LRRC8B: variants seen among roughly 807,000 people sequenced by gnomAD.
LRRC8B encodes volume-regulated anion channel subunit LRRC8B.
In LRRC8B, 23 loss-of-function variants were observed where a neutral mutation model predicts 58.8. The observed-to-expected ratio is 0.39, with a 90% confidence interval of 0.28 to 0.55. LRRC8B has a LOEUF of 0.55. Among genes scored for constraint, LRRC8B ranks in the 20% least tolerant of loss-of-function variants. The pLI is 0.62. For synonymous variants in LRRC8B, 359 were observed against 374.1 expected (o/e 0.96, Z 0.47); for missense variants, 694 against 936.0 (o/e 0.74, Z 3.37).
At chr1:89,551,336 G>A (rs17130827) in intron 1 of LRRC8B, among the ~76,000 whole-genome samples, 21,650 of 152,092 alleles carry the variant, frequency 0.14, 2,022 homozygotes, top group East Asian at 0.42. Flanking sequence ...GTCATCAGCA[G>A]CTAATTTTTT....
intron 1 of LRRC8B, among the ~76,000 whole-genome samples, chr1:89,560,291 C>T (rs186132448): frequency 6.6e-6 from 1 of 152,254 alleles, no homozygotes; most frequent in East Asian, 1.9e-4. Flanking sequence ...CTACATTCCC[C>T]TCATCCACCA....
At chr1:89,556,937 T>C (rs1431494676) in intron 1 of LRRC8B, among the ~76,000 whole-genome samples, 2 of 152,240 alleles carry the variant, frequency 1.3e-5, no homozygotes, top group East Asian at 3.8e-4. Flanking sequence ...CAGTGTTGGC[T>C]GACTGGAATC....
At chr1:89,550,539 A>G (rs754874286) in intron 1 of LRRC8B, among the ~76,000 whole-genome samples, 3 of 152,192 alleles carry the variant, frequency 2.0e-5, no homozygotes, top group Non-Finnish European at 4.4e-5. Context: ...GTCAAACCTT[A>G]GCTATGCCAA....
chr1:89,564,523 A>G (rs1471858170), intron 1 of LRRC8B, among the ~76,000 whole-genome samples: 1 of 152,176 alleles, frequency 6.6e-6, no homozygotes, highest in Non-Finnish European at 1.5e-5. Flanking sequence ...TCTGAACCTC[A>G]ACTTTTTCAC....
At position 89,587,997 on chromosome 1, in the gene LRRC8B, T is replaced by A. The variant is rs180722465; in HGVS notation, c.2139+3208T>A. The A allele has an allele frequency of 2.6e-5, 4 of 152,342 alleles. No homozygotes were observed. In the East Asian group the frequency reaches 7.7e-4, roughly 29 times the overall value. The allele number at this position is 152,342 out of a possible 1,614,324, so 9.4% of individuals were successfully genotyped here. ...GAATAGATTCTTCATGGCTTCCACTTCTTTGTAATGTTAGCCCCGGTTCAA... is the reference window on the plus strand; with the variant it reads ...GAATAGATTCTTCATGGCTTCCACTACTTTGTAATGTTAGCCCCGGTTCAA... On this transcript the variant is annotated intron_variant, in intron 5 of 5. Transcript: ENST00000330947.
chr1:89,555,739 G>A (rs1652140833), intron 1 of LRRC8B, among the ~76,000 whole-genome samples: 1 of 152,218 alleles, frequency 6.6e-6, no homozygotes, highest in Non-Finnish European at 1.5e-5. Flanking sequence ...CGACTGCCTT[G>A]TTTTGGCCTT....
chr1:89,546,747 C>G (rs931089690), intron 1 of LRRC8B, among the ~76,000 whole-genome samples: 2 of 152,176 alleles, frequency 1.3e-5, no homozygotes, highest in African/African-American at 4.8e-5. Flanking sequence ...AGAAAGGAGC[C>G]CTCAGTGTAG....
In LRRC8B at chr1:89,584,542, A is replaced by G. The variant is rs1032086028; in HGVS notation, c.1892A>G (p.His631Arg). The G allele has an allele frequency of 5.6e-6, 9 of 1,614,118 alleles. No homozygotes were observed. The African/African-American group carries it at 6.7e-5, about 12-fold the overall frequency. Residue 631 changes from histidine to arginine, a missense_variant, in exon 5 of 6, where the codon CAT becomes CGT. His to Arg is a conservative substitution (Grantham distance 29, BLOSUM62 0). Around this residue, in one of 5 missense-constraint regions of LRRC8B, gnomAD observed 53 missense variants for 112.3 expected, o/e 0.47. Transcript: ENST00000330947. ...GTGGAAGAGATCATTAGCTTTCAGC[A>G]TCTTCAGAATCTTTCCTGCTTAAAG... The part of the protein sequence containing the change: ...KTVEEIISFQ[H>R]LQNLSCLKLW...
At chr1:89,528,246 A>G (rs550081472) in intron 1 of LRRC8B, among the ~76,000 whole-genome samples, 77 of 152,136 alleles carry the variant, frequency 5.1e-4, no homozygotes, top group Non-Finnish European at 1.5e-5. Context: ...CACAGCTTCT[A>G]TTTCTCTTCC....
chr1:89,542,766 A>C lies in LRRC8B; in HGVS notation c.-241+17744A>C, dbSNP rs555291778. Among the ~76,000 whole-genome samples the C allele has an allele frequency of 2.6e-5, 4 of 152,344 alleles. No individual in the cohort carries two copies. The East Asian group carries it at 7.7e-4, about 29-fold the overall frequency. On this transcript the variant is annotated intron_variant, in intron 1 of 5. Coordinates refer to ENST00000330947, the MANE Select transcript of LRRC8B (RefSeq NM_001369817.2). ...ATATAAGCACTTATAAAAATACTTA[A>C]CATAAAGTTATCTCATCATGAGTAT...
intron 3 of LRRC8B, among the ~76,000 whole-genome samples, chr1:89,573,712 T>A (rs1653633640): frequency 6.6e-6 from 1 of 152,232 alleles, no homozygotes; most frequent in African/African-American, 2.4e-5. Context: ...CAATCTTCCT[T>A]ATCTAATAAA....
chr1:89,545,744 A>G (rs1174785048), intron 1 of LRRC8B, among the ~76,000 whole-genome samples: 1 of 152,232 alleles, frequency 6.6e-6, no homozygotes, highest in East Asian at 1.9e-4. Flanking sequence ...CAAGAAGACA[A>G]CAATAAGACA....
chr1:89,565,085 G>A (rs1329029096), intron 1 of LRRC8B, among the ~76,000 whole-genome samples: 4 of 152,284 alleles, frequency 2.6e-5, no homozygotes, highest in African/African-American at 9.6e-5. Context: ...ACAGCATTGT[G>A]GAATTAGAAC....
chr1:89,540,043 T>C (rs1650838501), intron 1 of LRRC8B, among the ~76,000 whole-genome samples: 1 of 152,224 alleles, frequency 6.6e-6, no homozygotes, highest in South Asian at 2.1e-4. Context: ...ATGTCTATTA[T>C]TTTATTTATT....
intron 3 of LRRC8B, among the ~76,000 whole-genome samples, chr1:89,569,729 G>C (rs1430483633): frequency 6.6e-6 from 1 of 151,820 alleles, no homozygotes; most frequent in Non-Finnish European, 1.5e-5. Flanking sequence ...TAACTTTTAA[G>C]TTCGGAGGTA....
At chr1:89,559,511 G>A (rs1424112598) in intron 1 of LRRC8B, among the ~76,000 whole-genome samples, 1 of 151,224 alleles carries the variant, frequency 6.6e-6, no homozygotes, top group Non-Finnish European at 1.5e-5. Context: ...GCGTGTGCCT[G>A]TAGTCCCAGC....
At chr1:89,549,698 TA>T (rs1485325333) in intron 1 of LRRC8B, among the ~76,000 whole-genome samples, 1 of 152,206 alleles carries the variant, frequency 6.6e-6, no homozygotes, top group African/African-American at 2.4e-5. Flanking sequence ...GTCATCTTCA[TA>T]AAAAACTAAA....
At chr1:89,542,914 A>G (rs1353327729) in intron 1 of LRRC8B, among the ~76,000 whole-genome samples, 1 of 152,216 alleles carries the variant, frequency 6.6e-6, no homozygotes, top group African/African-American at 2.4e-5. Context: ...GGGGGGACCT[A>G]TTAAGGCAAG....
In LRRC8B at chr1:89,583,870, T is replaced by C; in HGVS notation, c.1220T>C (p.Val407Ala). ...ATCAACCTCAATAATGAATGGACAG[T>C]TGAGAAACTGAAAAGTAAGCTTGTG... ...KQINLNNEWT[V>A]EKLKSKLVKN... The change falls in exon 5 of 6, where the codon GTT (valine) becomes GCT (alanine). Residue 407 changes from valine to alanine, a missense_variant. By Grantham distance (64) the Val-to-Ala change is moderately conservative. Coordinates refer to ENST00000330947, the MANE Select transcript of LRRC8B (RefSeq NM_001369817.2). This position sits in a 1 kb window ranked among gnomAD's most constrained non-coding sequence, Gnocchi z 5.2. The C allele has an allele frequency of 6.2e-7, 1 of 1,614,128 alleles. No homozygotes were observed. The highest frequency in any genetic ancestry group is 8.5e-7 in the Non-Finnish European group (1 of 1,180,016).
Sources: gnomAD v4.1 joint callset for allele counts (sites outside exome capture counted in the v4.1 genomes callset) on GRCh38, gnomAD v4.1.1 for gene constraint, gnomAD v4.1.1 regional missense constraint, Gnocchi (gnomAD v3.1) non-coding constraint, MANE v1.5 for transcripts, NCBI Gene and HGNC (gene_info 2026-07-23, HGNC 2026-07-21) for gene names.